Variants in FAM178B observed in about 807,000 individuals in gnomAD.
The protein encoded by FAM178B is family with sequence similarity 178 member B, also known as protein FAM178B.
Under a neutral mutation model 91.7 loss-of-function variants are expected in FAM178B, and 82 were observed. The ratio of observed to expected loss-of-function variants is 0.89; its 90% CI spans 0.75 to 1.07. The LOEUF (loss-of-function observed/expected upper bound fraction) is 1.07, where lower values mean the gene tolerates loss of function less well. FAM178B is among the 50% of genes least tolerant of loss of function. The probability of loss-of-function intolerance (pLI) is 0.00; values close to 1 mark genes in which losing one functional copy is unlikely to be tolerated. For synonymous variants in FAM178B, 368 were observed against 359.4 expected (o/e 1.02, Z -0.27); for missense variants, 769 against 846.7 (o/e 0.91, Z 1.14).
At chr2:96,915,017 C>T (rs1258805511) in intron 12 of FAM178B, among the ~76,000 whole-genome samples, 1 of 152,034 alleles carries the variant, frequency 6.6e-6, no homozygotes, top group Admixed American at 6.5e-5. Flanking sequence ...GAGGAGTCTC[C>T]ACGGCTGTGT....
At chr2:96,891,314 T>C (rs140690000) in intron 14 of FAM178B, among the ~76,000 whole-genome samples, 139 of 152,308 alleles carry the variant, frequency 9.1e-4, no homozygotes, top group African/African-American at 3.2e-3. Flanking sequence ...CAGAGCCTCC[T>C]GCAGGAGAAG....
chr2:96,950,386 TC>T (rs1204823296), intron 7 of FAM178B, among the ~76,000 whole-genome samples: 1 of 152,136 alleles, frequency 6.6e-6, no homozygotes, highest in Non-Finnish European at 1.5e-5. Context: ...CTGCATGTCT[TC>T]CTCCTCCGGG....
intron 12 of FAM178B, among the ~76,000 whole-genome samples, chr2:96,916,799 G>A (rs1162508798): frequency 6.6e-6 from 1 of 152,218 alleles, no homozygotes. Flanking sequence ...ATGAGTGTCA[G>A]CAGGAGTTCT....
intron 4 of FAM178B, among the ~76,000 whole-genome samples, chr2:96,968,496 C>T (rs976303376): frequency 1.3e-5 from 2 of 152,114 alleles, no homozygotes; most frequent in Non-Finnish European, 2.9e-5. Flanking sequence ...CCTGGTTGGG[C>T]CCATGGGTCC....
At chr2:96,959,199 G>GGAAAAAAAAAAAAA (rs1273953141) in intron 6 of FAM178B, among the ~76,000 whole-genome samples, 21 of 82,132 alleles carry the variant, frequency 2.6e-4, no homozygotes, top group African/African-American at 6.8e-4. Context: ...ACTCAGTTTT[G>GGAAAAAAAAAAAAA]AAAAAAAAAA....
chr2:96,907,781 G>A (rs1203032022), intron 12 of FAM178B, among the ~76,000 whole-genome samples: 1 of 152,214 alleles, frequency 6.6e-6, no homozygotes, highest in Non-Finnish European at 1.5e-5. Flanking sequence ...CTGGGATGTC[G>A]GGCAGTGACA....
chr2:96,962,792 T>C (rs1448676761), intron 5 of FAM178B, among the ~76,000 whole-genome samples: 1 of 152,188 alleles, frequency 6.6e-6, no homozygotes, highest in Non-Finnish European at 1.5e-5. Flanking sequence ...CTCGGGACTG[T>C]CAGGGGTCCT....
At chr2:96,949,084 G>C (rs1279982389) in intron 7 of FAM178B, among the ~76,000 whole-genome samples, 1 of 152,070 alleles carries the variant, frequency 6.6e-6, no homozygotes, top group African/African-American at 2.4e-5. Context: ...ATTCATTGAG[G>C]GTGTACACCT....
intron 12 of FAM178B, among the ~76,000 whole-genome samples, chr2:96,918,323 T>G (rs1574245333): frequency 1.3e-5 from 2 of 152,116 alleles, no homozygotes; most frequent in East Asian, 3.9e-4. Context: ...GAAGATAAAT[T>G]AACTGATAGG....
intron 14 of FAM178B, 48 bp from the exon 15 acceptor site, chr2:96,878,541 C>G: frequency 6.3e-7 from 1 of 1,580,840 alleles, no homozygotes; most frequent in Middle Eastern, 1.7e-4. Flanking sequence ...CCACCCAGGG[C>G]AGCATGGCGT....
chr2:96,974,497 T>C (rs1438772714), intron 1 of FAM178B, among the ~76,000 whole-genome samples: 1 of 129,930 alleles, frequency 7.7e-6, no homozygotes, highest in African/African-American at 3.0e-5. Context: ...AGAAAACAAA[T>C]AGCAAAATGG....
rs183666009 is a variant in FAM178B, at chr2:96,935,032, G to C, written c.1079-5712C>G. On this transcript the variant is annotated intron_variant, in intron 8 of 16. Transcript: ENST00000490605. The stretch of plus-strand genomic sequence containing the variant: ...CCTTCTGTAACTCACACCACTGCCT[G>C]GTGTCACCTAATACCAGCAAGCACT... Among the ~76,000 whole-genome samples the C allele has an allele frequency of 1.0e-3, 154 of 152,270 alleles. 1 individual carries two copies. Among genetic ancestry groups the C allele is most frequent in the Non-Finnish European group, 1.5e-3 (103 of 68,030 alleles).
rs1051188096 is a variant in FAM178B, at chr2:96,970,703, G to A, written c.626+13C>T. On this transcript the variant is annotated intron_variant, in intron 4 of 16. Coordinates refer to ENST00000490605, the MANE Select transcript of FAM178B (RefSeq NM_001122646.3). ...AAATAAGCACCCCATGACAGGCCAC[G>A]CCCTGTGCTCACCTCTTCTCCTGCA... is the stretch of plus-strand genomic sequence containing the variant. The A allele has an allele frequency of 3.2e-6, 5 of 1,548,926 alleles. No homozygotes were observed. The South Asian group carries it at 3.6e-5, about 11-fold the overall frequency.
chr2:96,968,446 G>A (rs1170998100), intron 4 of FAM178B, among the ~76,000 whole-genome samples: 1 of 152,122 alleles, frequency 6.6e-6, no homozygotes, highest in Non-Finnish European at 1.5e-5. Context: ...AGAGCCCTGG[G>A]AGCCTCCCCA....
chr2:96,947,271 C>T (rs761204091), intron 8 of FAM178B, among the ~76,000 whole-genome samples: 19 of 152,118 alleles, frequency 1.2e-4, no homozygotes, highest in Non-Finnish European at 1.8e-4. Context: ...TTAAATATAC[C>T]TCCTAAATGC....
At chr2:96,978,308 T>C (rs1205694604) in intron 1 of FAM178B, among the ~76,000 whole-genome samples, 2 of 152,312 alleles carry the variant, frequency 1.3e-5, no homozygotes, top group African/African-American at 2.4e-5. Context: ...TTTAAAAAAA[T>C]AGATTCAGAG....
chr2:96,927,031 G>C (rs1242297179), intron 9 of FAM178B, among the ~76,000 whole-genome samples: 1 of 152,234 alleles, frequency 6.6e-6, no homozygotes, highest in Non-Finnish European at 1.5e-5. Flanking sequence ...CTGAGTTGGT[G>C]AGGAGCCAGG....
chr2:96,877,796 A>C, intron 16 of FAM178B, 94 bp downstream of exon 16: 14 of 1,240,922 alleles, frequency 1.1e-5, no homozygotes, highest in Non-Finnish European at 1.6e-5. Context: ...GGAGCTCAGC[A>C]GCTGCAGCGG....
intron 13 of FAM178B, among the ~76,000 whole-genome samples, chr2:96,895,915 C>T (rs567220346): frequency 6.6e-6 from 1 of 152,216 alleles, no homozygotes. Flanking sequence ...AGGCCCAGGG[C>T]CTCAGCTTCT....
Sources: gnomAD v4.1 joint callset for allele counts (sites outside exome capture counted in the v4.1 genomes callset) on GRCh38, gnomAD v4.1.1 for gene constraint, MANE v1.5 for transcripts, NCBI Gene and HGNC (gene_info 2026-07-23, HGNC 2026-07-21) for gene names.